The following NLGN1 variants were observed in gnomAD, a reference collection of about 807,000 sequenced individuals.
NLGN1 encodes neuroligin 1.
In NLGN1, 12 loss-of-function variants were observed where a neutral mutation model predicts 65.5. That is an observed-to-expected ratio of 0.18 (90% CI 0.12 to 0.30). The LOEUF (loss-of-function observed/expected upper bound fraction) is 0.30. Ranked by LOEUF, NLGN1 falls within the 10% of genes least tolerant of loss-of-function variation. NLGN1 has a pLI of 1.00. For missense variants in NLGN1, 750 were observed against 1,007.1 expected (o/e 0.74, Z 3.46); for synonymous variants, 350 against 359.5 (o/e 0.97, Z 0.30).
chr3:173,516,013 T>A (rs930731446), intron 2 of NLGN1, among the ~76,000 whole-genome samples: 3 of 152,118 alleles, frequency 2.0e-5, no homozygotes, highest in Non-Finnish European at 4.4e-5. Context: ...AGAGACCATA[T>A]GATTTTTATC....
intron 4 of NLGN1, among the ~76,000 whole-genome samples, chr3:173,865,594 G>A (rs1351574499): frequency 2.6e-5 from 4 of 151,914 alleles, no homozygotes; most frequent in Non-Finnish European, 5.9e-5. Flanking sequence ...AAACAACAAA[G>A]AAACTTGATC....
At chr3:173,558,041 C>T (rs1459173326) in intron 2 of NLGN1, among the ~76,000 whole-genome samples, 2 of 151,584 alleles carry the variant, frequency 1.3e-5, no homozygotes, top group African/African-American at 4.8e-5. Flanking sequence ...CTTTTTTCCC[C>T]TTTCTCCACC....
intron 4 of NLGN1, among the ~76,000 whole-genome samples, chr3:174,142,670 G>A (rs959789281): frequency 2.5e-4 from 38 of 149,756 alleles, no homozygotes; most frequent in African/African-American, 8.9e-4. Context: ...AACATAGCAA[G>A]ACATCTAAAA....
At chr3:173,471,405 G>T (rs1431818098) in intron 2 of NLGN1, among the ~76,000 whole-genome samples, 2 of 151,964 alleles carry the variant, frequency 1.3e-5, no homozygotes, top group Non-Finnish European at 2.9e-5. Context: ...GCAACCTTTG[G>T]CATTCCTTGG....
chr3:174,079,188 A>T (rs749148358), intron 4 of NLGN1, among the ~76,000 whole-genome samples: 79 of 152,106 alleles, frequency 5.2e-4, no homozygotes, highest in Non-Finnish European at 9.7e-4. Context: ...AAAAAAATTT[A>T]CAAGAAAAAA....
intron 4 of NLGN1, among the ~76,000 whole-genome samples, chr3:174,093,788 A>G (rs1744959341): frequency 6.6e-6 from 1 of 152,210 alleles, no homozygotes; most frequent in Non-Finnish European, 1.5e-5. Flanking sequence ...AATTTAGTTA[A>G]TAATCACTAT....
intron 4 of NLGN1, among the ~76,000 whole-genome samples, chr3:173,989,662 G>A (rs925680085): frequency 1.3e-5 from 2 of 152,106 alleles, no homozygotes; most frequent in Non-Finnish European, 2.9e-5. Flanking sequence ...AAACTAAAAG[G>A]ACATTTACAA....
intron 4 of NLGN1, among the ~76,000 whole-genome samples, chr3:174,086,968 A>G (rs1743535992): frequency 6.6e-6 from 1 of 152,128 alleles, no homozygotes; most frequent in Non-Finnish European, 1.5e-5. Flanking sequence ...TTATCTTTAC[A>G]TAGACAAAAC....
At chr3:174,015,521 C>T (rs1479989381) in intron 4 of NLGN1, among the ~76,000 whole-genome samples, 8 of 152,148 alleles carry the variant, frequency 5.3e-5, no homozygotes, top group Admixed American at 3.3e-4. Context: ...ACCTAATTAA[C>T]TCCCAAAGGC....
chr3:173,574,506 T>C (rs1385954612), intron 2 of NLGN1, among the ~76,000 whole-genome samples: 1 of 152,120 alleles, frequency 6.6e-6, no homozygotes, highest in Non-Finnish European at 1.5e-5. Context: ...TAAAGCATCA[T>C]TGAAAATACT....
At chr3:173,569,349 G>T (rs934373770) in intron 2 of NLGN1, among the ~76,000 whole-genome samples, 1 of 151,926 alleles carries the variant, frequency 6.6e-6, no homozygotes, top group Admixed American at 6.5e-5. Context: ...TTCATCTGTC[G>T]GTTTATGAAT....
At chr3:173,539,645 TATATA>T (rs1268888435) in intron 2 of NLGN1, among the ~76,000 whole-genome samples, 137 of 63,932 alleles carry the variant, frequency 2.1e-3, no homozygotes, top group African/African-American at 5.0e-3. Flanking sequence ...CATATATACA[TATATA>T]ACATATGTGT....
intron 3 of NLGN1, among the ~76,000 whole-genome samples, chr3:173,619,000 T>A (rs1392740566): frequency 6.6e-6 from 1 of 152,146 alleles, no homozygotes; most frequent in Non-Finnish European, 1.5e-5. Flanking sequence ...TCACCCTTGG[T>A]TAAACAATCT....
At chr3:174,103,377 C>T (rs1380702077) in intron 4 of NLGN1, among the ~76,000 whole-genome samples, 2 of 152,024 alleles carry the variant, frequency 1.3e-5, no homozygotes, top group Non-Finnish European at 2.9e-5. Context: ...TAGATAAAGG[C>T]TCATTTTTGC....
At chr3:174,020,611 A>G (rs1362444525) in intron 4 of NLGN1, among the ~76,000 whole-genome samples, 1 of 152,120 alleles carries the variant, frequency 6.6e-6, no homozygotes, top group Non-Finnish European at 1.5e-5. Flanking sequence ...ATAAATTTAT[A>G]AAGGATTAAT....
Position 173,465,027 on chromosome 3 carries a change from C to A in NLGN1, c.-321+29949C>A, listed in dbSNP as rs568673624. 2.6e-5 allele frequency among the ~76,000 whole-genome samples: 4 copies of A among 152,248 alleles called. No homozygotes were observed. In the East Asian group the frequency reaches 7.7e-4, roughly 29 times the overall value. On this transcript the variant is annotated intron_variant, in intron 2 of 6. Transcript: ENST00000457714. ...CTAAGCTTAATTCTATATTAATTCA[C>A]CTGTAGATGCTTAATTTGATCTGGA...
In NLGN1 at chr3:174,261,997, C is replaced by T. The variant is rs1315398875; in HGVS notation, c.647-13318C>T. ...ATGCTGGATTACATTTACTGATTTGCGTATATTGAACCAGCCTTGCATCCC... is the reference window on the plus strand; with the variant it reads ...ATGCTGGATTACATTTACTGATTTGTGTATATTGAACCAGCCTTGCATCCC... On this transcript the variant is annotated intron_variant, in intron 4 of 6. Coordinates refer to ENST00000457714, the Ensembl canonical transcript of NLGN1. Among the ~76,000 whole-genome samples, 566 of 144,644 alleles carry T rather than the reference C, an allele frequency of 3.9e-3. 1 individual carries two copies. Among genetic ancestry groups the T allele is most frequent in the African/African-American group, 0.013 (494 of 37,638 alleles). The allele number at this position is 144,644 out of a possible 152,430, so 94.9% of individuals were successfully genotyped here.
chr3:174,036,591 T>TG (rs892248321), intron 4 of NLGN1, among the ~76,000 whole-genome samples: 11 of 151,248 alleles, frequency 7.3e-5, no homozygotes, highest in Admixed American at 2.0e-4. Context: ...GTTGTTTTTT[T>TG]TTTTTTTTCA....
intron 4 of NLGN1, among the ~76,000 whole-genome samples, chr3:173,986,217 C>G (rs1719881475): frequency 6.6e-6 from 1 of 151,942 alleles, no homozygotes; most frequent in South Asian, 2.1e-4. Context: ...GCCTGTAATC[C>G]CAACACTTTG....
Sources: gnomAD v4.1 joint callset for allele counts (sites outside exome capture counted in the v4.1 genomes callset) on GRCh38, gnomAD v4.1.1 for gene constraint, MANE v1.5 for transcripts, NCBI Gene and HGNC (gene_info 2026-07-23, HGNC 2026-07-21) for gene names.